Variants in ACSL1 observed in about 807,000 individuals in gnomAD.
ACSL1 encodes the protein acyl-CoA synthetase long chain family member 1.
ACSL1 carries 41 observed loss-of-function variants against 98.4 expected under a neutral mutation model. The ratio of observed to expected loss-of-function variants is 0.42; its 90% CI spans 0.32 to 0.54. ACSL1 has a LOEUF of 0.54. Among genes scored for constraint, ACSL1 ranks in the 20% least tolerant of loss-of-function variants. ACSL1 has a pLI of 0.13. For missense variants in ACSL1, 734 were observed against 883.1 expected, an observed-to-expected ratio of 0.83 and a Z score of 2.14; for synonymous variants, 316 against 322.7, an observed-to-expected ratio of 0.98 and a Z score of 0.22.
intron 17 of ACSL1, among the ~76,000 whole-genome samples, chr4:184,761,611 G>A (rs534164457): frequency 5.9e-5 from 9 of 152,094 alleles, no homozygotes; most frequent in Admixed American, 2.6e-4. Flanking sequence ...CAAGGAGTTC[G>A]CCTAATCTGT....
At position 184,766,035 on chromosome 4, in the gene ACSL1, T is replaced by C; in HGVS notation, c.1264-49A>G. The stretch of plus-strand genomic sequence containing the variant: ...AAGGTGAGGGTTACACACCTGGAAG[T>C]CGGCGGCCTCTCCGCCAAGGGGGCC... On this transcript the variant is annotated intron_variant, in intron 13 of 20. Coordinates refer to ENST00000281455, the MANE Select transcript of ACSL1 (RefSeq NM_001995.5). The surrounding 1 kb of genome is among the most constrained non-coding windows in gnomAD (Gnocchi z 4.8). 1 of 1,588,518 alleles carries C rather than the reference T, an allele frequency of 6.3e-7. No individual in the cohort carries two copies. Among genetic ancestry groups the C allele is most frequent in the South Asian group, 1.1e-5 (1 of 89,480 alleles).
chr4:184,765,973 C>A lies in ACSL1; in HGVS notation c.1277G>T (p.Gly426Val), dbSNP rs1283513981. ...IFHKVQSSLG[G>V]RVRLMVTGAA... is the part of the protein sequence containing the mutation. The stretch of plus-strand genomic sequence containing the variant: ...TCCTGTCACCATCAGCCGGACTCTT[C>A]CGCCCAGGCTCGACTTTCAGGGAGG... The change falls in exon 14 of 21, where the codon GGA (glycine) becomes GTA (valine). Residue 426 changes from glycine (G) to valine (V), a missense_variant. By Grantham distance (109) the Gly-to-Val change is moderately radical (BLOSUM62 -3). Transcript: ENST00000281455. 6.2e-7 allele frequency: 1 copy of A among 1,613,810 alleles called. No individual in the cohort carries two copies.
chr4:184,790,745 C>A (rs962307558), intron 2 of ACSL1, among the ~76,000 whole-genome samples: 3 of 152,210 alleles, frequency 2.0e-5, no homozygotes, highest in Non-Finnish European at 2.9e-5. Flanking sequence ...TAAAGAGGAA[C>A]TTTCCTGTAA....
At chr4:184,764,247 T>G (rs1428666877) in intron 15 of ACSL1, among the ~76,000 whole-genome samples, 1 of 152,196 alleles carries the variant, frequency 6.6e-6, no homozygotes, top group African/African-American at 2.4e-5. Context: ...AGCAACAATC[T>G]ATAATTTCCT....
intron 16 of ACSL1, 120 bp downstream of exon 16, chr4:184,763,047 T>C: frequency 1.0e-6 from 1 of 995,568 alleles, no homozygotes; most frequent in Non-Finnish European, 1.5e-6. Context: ...GACTCCAGGA[T>C]CACCAATGAA....
chr4:184,784,015 G>T (rs1465913782), intron 3 of ACSL1, 24 bp from the exon 4 acceptor site: 3 of 1,588,916 alleles, frequency 1.9e-6, no homozygotes, highest in Non-Finnish European at 2.6e-6. Flanking sequence ...AAAAACAACA[G>T]ATGGGCTGAA....
intron 1 of ACSL1, among the ~76,000 whole-genome samples, chr4:184,809,110 T>C (rs1312850461): frequency 6.6e-6 from 1 of 152,236 alleles, no homozygotes; most frequent in Non-Finnish European, 1.5e-5. Context: ...CCAATTGAAT[T>C]TCCTAAGGAT....
intron 5 of ACSL1, 39 bp from the exon 6 acceptor site, chr4:184,777,022 G>C (rs1407714803): frequency 1.9e-6 from 3 of 1,547,932 alleles, no homozygotes; most frequent in Non-Finnish European, 2.7e-6. Flanking sequence ...AAAACAGGAT[G>C]TCATCATGTA....
intron 4 of ACSL1, among the ~76,000 whole-genome samples, chr4:184,781,140 A>G (rs1481949355): frequency 6.7e-6 from 1 of 148,618 alleles, no homozygotes; most frequent in Non-Finnish European, 1.5e-5. Context: ...AGGCTGAGGC[A>G]GAATTGCTTG....
chr4:184,779,874 C>CA (rs1554019400), intron 5 of ACSL1, among the ~76,000 whole-genome samples: 1 of 141,372 alleles, frequency 7.1e-6, no homozygotes, highest in Non-Finnish European at 1.6e-5. Flanking sequence ...GTTTTCCTTT[C>CA]TTTTTTTTTT....
chr4:184,786,880 G>C (rs975702236), intron 3 of ACSL1, among the ~76,000 whole-genome samples: 24 of 152,046 alleles, frequency 1.6e-4, no homozygotes, highest in African/African-American at 3.9e-4. Context: ...TTTTAGTAGA[G>C]ACGGAGTTTC....
chr4:184,770,478 T>C lies in ACSL1; in HGVS notation c.916-2A>G, dbSNP rs1764322888. 6.2e-7 allele frequency: 1 copy of C among 1,606,630 alleles called. No individual in the cohort carries two copies. Among genetic ancestry groups the C allele is most frequent in the African/African-American group, 1.4e-5 (1 of 72,932 alleles). ...ATCTGGGCAAGGATTGACTGTATTCTGTAAGCAAAGACACCAGCAAGGCAG... is the reference window on the plus strand; with the variant it reads ...ATCTGGGCAAGGATTGACTGTATTCCGTAAGCAAAGACACCAGCAAGGCAG... On this transcript the variant is annotated splice_acceptor_variant, in intron 10 of 20. Coordinates refer to ENST00000281455, the MANE Select transcript of ACSL1 (RefSeq NM_001995.5). LOFTEE classifies it high-confidence loss of function.
chr4:184,757,553 A>G lies in ACSL1; in HGVS notation c.1956+82T>C. ...CATGTATGTCTTTAGGTCACCCCAT[A>G]TGTTTATATAATCTACCTGTAAAAA... On this transcript the variant is annotated intron_variant, in intron 20 of 20. Coordinates refer to ENST00000281455, the MANE Select transcript of ACSL1 (RefSeq NM_001995.5). This position sits in a 1 kb window ranked among gnomAD's most constrained non-coding sequence, Gnocchi z 4.5. 7.6e-7 allele frequency: 1 copy of G among 1,310,220 alleles called. No individual in the cohort carries two copies. Among genetic ancestry groups the G allele is most frequent in the African/African-American group, 1.5e-5 (1 of 67,852 alleles). The allele number at this position is 1,310,220 out of a possible 1,614,324, so 81.2% of individuals were successfully genotyped here. A position where few individuals can be genotyped will look rare whatever the true frequency, so the allele number is the denominator to read the frequency against.
intron 1 of ACSL1, among the ~76,000 whole-genome samples, chr4:184,810,079 G>T (rs1245653404): frequency 6.6e-6 from 1 of 152,166 alleles, no homozygotes; most frequent in Non-Finnish European, 1.5e-5. Flanking sequence ...TGTCCTATGG[G>T]TCCACATTTA....
intron 2 of ACSL1, among the ~76,000 whole-genome samples, chr4:184,802,290 TA>T: frequency 6.6e-6 from 1 of 152,106 alleles, no homozygotes; most frequent in South Asian, 2.1e-4. Flanking sequence ...TAGAATCCCA[TA>T]AATAACAAAA....
intron 7 of ACSL1, among the ~76,000 whole-genome samples, chr4:184,774,326 C>T (rs753968155): frequency 1.3e-5 from 2 of 152,170 alleles, no homozygotes; most frequent in African/African-American, 2.4e-5. Flanking sequence ...CAACTGACAT[C>T]TGCAATCTGG....
rs1185493140 is a variant in ACSL1, at chr4:184,755,790, A to AT, written c.*1334dup. 11 of 152,668 alleles carry AT rather than the reference A, an allele frequency of 7.2e-5. No individual in the cohort carries two copies. The highest frequency in any genetic ancestry group is 1.3e-4 in the Non-Finnish European group (9 of 68,036). The allele number at this position is 152,668 out of a possible 1,614,324, so 9.5% of individuals were successfully genotyped here. On this transcript the variant is annotated 3_prime_UTR_variant, in exon 21 of 21. Transcript: ENST00000281455. ...ACCAAGTAGTGTTATTACAATGACA[A>AT]TTCTTTAGTGCAAGCCCTGTTGTGC...
At position 184,757,857 on chromosome 4, in the gene ACSL1, C is replaced by G; in HGVS notation, c.1846G>C (p.Gly616Arg). The G allele has an allele frequency of 6.2e-7, 1 of 1,614,128 alleles. No homozygotes were observed. The highest frequency in any genetic ancestry group is 1.1e-5 in the South Asian group (1 of 91,080). Reference protein sequence around the residue: ...ETLCSWAQKRGFEGSFEELCR... With the variant: ...ETLCSWAQKRRFEGSFEELCR... ...AGTTCCTCAAACGACCCTTCAAATC[C>G]TCTCTTTTGGGCCCAGGAACATAAT... Residue 616 changes from glycine to arginine, a missense_variant, in exon 19 of 21, where the codon GGA (glycine) becomes CGA (arginine). Gly to Arg is a moderately radical substitution (Grantham distance 125). Transcript: ENST00000281455. This position sits in a 1 kb window ranked among gnomAD's most constrained non-coding sequence, Gnocchi z 4.5.
chr4:184,785,609 GGGGGGGGGGGGGA>G (rs1767112991), intron 3 of ACSL1, among the ~76,000 whole-genome samples: 1 of 16,106 alleles, frequency 6.2e-5, no homozygotes, highest in Non-Finnish European at 2.1e-4. Flanking sequence ...GCGGGGGCGG[GGGGGGGGGGGGGA>G]AGGAAGCAAA....
Sources: gnomAD v4.1 joint callset for allele counts (sites outside exome capture counted in the v4.1 genomes callset) on GRCh38, gnomAD v4.1.1 for gene constraint, Gnocchi (gnomAD v3.1) non-coding constraint, MANE v1.5 for transcripts, NCBI Gene and HGNC (gene_info 2026-07-23, HGNC 2026-07-21) for gene names.